BRCA2: variants seen among roughly 807,000 people sequenced by gnomAD.
BRCA2 encodes BRCA2 DNA repair associated.
Under a neutral mutation model 276.7 loss-of-function variants are expected in BRCA2, and 203 were observed. The observed-to-expected ratio is 0.73, with a 90% CI of 0.65 to 0.82. The LOEUF is 0.82. BRCA2 is among the 40% of genes least tolerant of loss of function. The probability of loss-of-function intolerance (pLI) is 0.00; values close to 1 mark genes in which losing one functional copy is unlikely to be tolerated. For missense variants in BRCA2, 3,920 were observed against 3,915.0 expected (o/e 1.00, Z -0.03); for synonymous variants, 1,289 against 1,338.4 (o/e 0.96, Z 0.81).
intron 11 of BRCA2, among the ~76,000 whole-genome samples, chr13:32,343,551 G>C (rs574205095): frequency 1.3e-5 from 2 of 152,084 alleles, no homozygotes; most frequent in African/African-American, 4.8e-5. Flanking sequence ...AAAGTAGTAC[G>C]TTTATAGTAC....
chr13:32,319,046 A>G, intron 2 of BRCA2, 31 bp from the exon 3 acceptor site: 6 of 1,610,194 alleles, frequency 3.7e-6, no homozygotes, highest in Non-Finnish European at 4.2e-6. Context: ...GTCACTGGTT[A>G]AAACTAAGGT....
chr13:32,337,745 T>G lies in BRCA2; in HGVS notation c.3390T>G (p.Phe1130Leu). ...GAAGTCAGTTTGAATTTACTCAGTT[T>G]AGAAAACCAAGCTACATATTGCAGA... ...ESGSQFEFTQFRKPSYILQKS... is the reference protein window; with the variant it reads ...ESGSQFEFTQLRKPSYILQKS... The change falls in exon 11 of 27, where the codon TTT (phenylalanine) becomes TTG (leucine). Residue 1130 changes from phenylalanine to leucine, a missense_variant. This residue lies in a region of BRCA2 where 3,263 missense variants were observed against 3,156.9 expected (regional missense o/e 1.03). Transcript: ENST00000380152. The G allele has an allele frequency of 6.2e-7, 1 of 1,613,864 alleles. No individual in the cohort carries two copies. The highest frequency in any genetic ancestry group is 1.3e-5 in the African/African-American group (1 of 75,028).
At chr13:32,329,704 A>T (rs2072375054) in intron 8 of BRCA2, among the ~76,000 whole-genome samples, 1 of 152,130 alleles carries the variant, frequency 6.6e-6, no homozygotes, top group Admixed American at 6.6e-5. Context: ...TATATACCGT[A>T]GTCCCCTATT....
rs1367973241 is a variant in BRCA2, at chr13:32,370,591, C to A, written c.8487+34C>A. On this transcript the variant is annotated intron_variant, in intron 19 of 26. Transcript: ENST00000380152. The stretch of plus-strand genomic sequence containing the variant: ...TATTCTTGAAACTTACCATATATTT[C>A]TTTCTTTTGATACAATTAATTTGTT... 1.9e-6 allele frequency: 3 copies of A among 1,589,268 alleles called. No homozygotes were observed. The African/African-American group carries it at 4.0e-5, about 21-fold the overall frequency.
rs1555289613 is a variant in BRCA2 at position 32,394,930 on chromosome 13, T to C, written c.9498T>C (p.Val3166=). Residue 3166 remains valine, a synonymous_variant, in exon 25 of 27, where the codon GTT becomes GTC. Transcript: ENST00000380152. ...CATTCAACAAAATGAAAAATACTGT[T>C]GAGGTAAGGTTACTTTTCAGCATCA... is the stretch of plus-strand genomic sequence containing the variant. ...QETFNKMKNT[V]ENIDILCNEA... 2 of 1,614,046 alleles carry C rather than the reference T, an allele frequency of 1.2e-6. No homozygotes were observed. The highest frequency in any genetic ancestry group is 1.7e-6 in the Non-Finnish European group (2 of 1,179,952).
At chr13:32,350,814 A>G (rs1472348155) in intron 13 of BRCA2, among the ~76,000 whole-genome samples, 1 of 152,168 alleles carries the variant, frequency 6.6e-6, no homozygotes, top group African/African-American at 2.4e-5. Context: ...TACTACATAT[A>G]CTTTATACTG....
At chr13:32,322,150 A>AT (rs2072310219) in intron 3 of BRCA2, among the ~76,000 whole-genome samples, 1 of 152,130 alleles carries the variant, frequency 6.6e-6, no homozygotes, top group Non-Finnish European at 1.5e-5. Context: ...CTGCTCACCC[A>AT]TCCCTCCTCC....
At position 32,340,432 on chromosome 13, in the gene BRCA2, CAAGAG is replaced by C. The variant is rs80359558; in HGVS notation, c.6082_6086del (p.Glu2028LysfsTer19). On this transcript the variant is annotated frameshift_variant, in exon 11 of 27. Coordinates refer to ENST00000380152, the MANE Select transcript of BRCA2 (RefSeq NM_000059.4). LOFTEE classifies it high-confidence loss of function. ...AGTAACGAACATTCAGACCAGCTCACAAGAGAAGAAAATACTGCTATACGTACTCC... is the reference window on the plus strand; with the variant it reads ...AGTAACGAACATTCAGACCAGCTCACAAGAAAATACTGCTATACGTACTCC... 6.2e-7 allele frequency: 1 copy of C among 1,613,806 alleles called. No homozygotes were observed. The highest frequency in any genetic ancestry group is 1.1e-5 in the South Asian group (1 of 91,074).
rs1271777808 is a variant in BRCA2 at position 32,338,844 on chromosome 13, G to C, written c.4489G>C (p.Val1497Leu). ...CAAAATACTGAAAGAAAGTGTCCCA[G>C]TTGGTACTGGAAATCAACTAGTGAC... is the stretch of plus-strand genomic sequence containing the variant. ...KHKILKESVP[V>L]GTGNQLVTFQ... The change falls in exon 11 of 27, where the codon GTT becomes CTT. Residue 1497 changes from valine (V) to leucine (L), a missense_variant. This residue lies in a region of BRCA2 where 3,263 missense variants were observed against 3,156.9 expected (regional missense o/e 1.03). Coordinates refer to ENST00000380152, the MANE Select transcript of BRCA2 (RefSeq NM_000059.4). The C allele has an allele frequency of 2.5e-6, 4 of 1,613,872 alleles. No individual in the cohort carries two copies. The South Asian group carries it at 4.4e-5, about 18-fold the overall frequency.
At chr13:32,351,952 C>T (rs753602472) in intron 13 of BRCA2, among the ~76,000 whole-genome samples, 12 of 152,142 alleles carry the variant, frequency 7.9e-5, no homozygotes, top group Non-Finnish European at 1.3e-4. Context: ...CAGGCGCGTG[C>T]CACCATGCCC....
Position 32,356,177 on chromosome 13 carries a change from G to A in BRCA2, c.7436-251G>A, listed in dbSNP as rs564382607. Reference sequence around the variant, plus strand: ...CCTGCCTCAGCCTGCTGAATAGCTGGGATTACAGGCATGTGCCACCACACC... The same window carrying A: ...CCTGCCTCAGCCTGCTGAATAGCTGAGATTACAGGCATGTGCCACCACACC... On this transcript the variant is annotated intron_variant, in intron 14 of 26. Transcript: ENST00000380152. Among the ~76,000 whole-genome samples, 9 of 151,358 alleles carry A rather than the reference G, an allele frequency of 5.9e-5. No homozygotes were observed. In the East Asian group the frequency reaches 1.8e-3, roughly 30 times the overall value.
chr13:32,398,851 T>C lies in BRCA2; in HGVS notation c.*81T>C. 1.3e-6 allele frequency: 2 copies of C among 1,512,362 alleles called. No homozygotes were observed. The highest frequency in any genetic ancestry group is 1.9e-5 in the Admixed American group (1 of 52,728). 93.7% of individuals were successfully genotyped at this position (1,512,362 alleles called of 1,614,324 possible). A position where few individuals can be genotyped will look rare whatever the true frequency, so the allele number is the denominator to read the frequency against. ...CTGGAATATAATTTCAAACCACACATTAGTACTTATGTTGCACAATGAGAA... is the reference window on the plus strand; with the variant it reads ...CTGGAATATAATTTCAAACCACACACTAGTACTTATGTTGCACAATGAGAA... On this transcript the variant is annotated 3_prime_UTR_variant, in exon 27 of 27. Transcript: ENST00000380152.
rs1237865460 is a variant in BRCA2 at position 32,355,256 on chromosome 13, T to C, written c.7403T>C (p.Val2468Ala). The change falls in exon 14 of 27, where the codon GTA becomes GCA. Residue 2468 changes from valine (V) to alanine (A), a missense_variant. Around this residue, in one of 2 missense-constraint regions of BRCA2, gnomAD observed 3,263 missense variants for 3,156.9 expected, o/e 1.03. Coordinates refer to ENST00000380152, the MANE Select transcript of BRCA2 (RefSeq NM_000059.4). ...NKNNSNQAVA[V>A]TFTKCEEEPL... ...AACAACTCCAATCAAGCAGTAGCTG[T>C]AACTTTCACAAAGTGTGAAGAAGAA... 6.2e-7 allele frequency: 1 copy of C among 1,613,606 alleles called. No individual in the cohort carries two copies. The highest frequency in any genetic ancestry group is 1.3e-5 in the African/African-American group (1 of 74,922).
At chr13:32,317,575 T>C (rs543078727) in intron 2 of BRCA2, among the ~76,000 whole-genome samples, 1 of 152,372 alleles carries the variant, frequency 6.6e-6, no homozygotes, top group South Asian at 2.1e-4. Context: ...ATGCAGTGAT[T>C]ATTTGGAAGA....
Position 32,338,234 on chromosome 13 carries a change from A to G in BRCA2, c.3879A>G (p.Ile1293Met). 6.5e-7 allele frequency: 1 copy of G among 1,542,866 alleles called. No homozygotes were observed. The highest frequency in any genetic ancestry group is 2.3e-5 in the East Asian group (1 of 43,922). ...AAAAAAATAATAAATGCCAACTGAT[A>G]TTACAAAATAATATTGAAATGACTA... ...VSEKNNKCQL[I>M]LQNNIEMTTG... The change falls in exon 11 of 27, where the codon ATA (isoleucine) becomes ATG (methionine). Residue 1293 changes from isoleucine (I) to methionine (M), a missense_variant. Ile to Met is a conservative substitution (Grantham distance 10). This residue lies in a region of BRCA2 where 3,263 missense variants were observed against 3,156.9 expected (regional missense o/e 1.03). Coordinates refer to ENST00000380152, the MANE Select transcript of BRCA2 (RefSeq NM_000059.4).
At chr13:32,385,090 G>A (rs988130663) in intron 24 of BRCA2, 2 of 270,118 alleles carry the variant, frequency 7.4e-6, no homozygotes, top group Non-Finnish European at 7.7e-6. Flanking sequence ...GATGGACTGT[G>A]AGGAAGAACG....
intron 3 of BRCA2, among the ~76,000 whole-genome samples, chr13:32,321,424 C>G (rs1210668322): frequency 6.6e-6 from 1 of 152,164 alleles, no homozygotes. Flanking sequence ...GAAAAGTGAG[C>G]AGCCATCTCT....
rs772846629 is a variant in BRCA2, at chr13:32,340,452, A to G, written c.6097A>G (p.Ile2033Val). 3 of 1,613,758 alleles carry G rather than the reference A, an allele frequency of 1.9e-6. No individual in the cohort carries two copies. In the African/African-American group the frequency reaches 4.0e-5, roughly 22 times the overall value. ...GCTCACAAGAGAAGAAAATACTGCT[A>G]TACGTACTCCAGAACATTTAATATC... ...DQLTREENTA[I>V]RTPEHLISQK... The change falls in exon 11 of 27, where the codon ATA (isoleucine) becomes GTA (valine). Residue 2033 changes from isoleucine (I) to valine (V), a missense_variant. By Grantham distance (29) the Ile-to-Val change is conservative (BLOSUM62 3). Coordinates refer to ENST00000380152, the MANE Select transcript of BRCA2 (RefSeq NM_000059.4).
rs41293497 is a variant in BRCA2 at position 32,340,037 on chromosome 13, C to G, written c.5682C>G (p.Tyr1894Ter). The G allele has an allele frequency of 2.9e-5, 46 of 1,613,256 alleles. No homozygotes were observed. Among genetic ancestry groups the G allele is most frequent in the Non-Finnish European group, 3.8e-5 (45 of 1,179,772 alleles). The change falls in exon 11 of 27, where the codon TAC (tyrosine) becomes TAG (stop). Residue 1894 changes from tyrosine to a stop codon, truncating the protein, a stop_gained. Coordinates refer to ENST00000380152, the MANE Select transcript of BRCA2 (RefSeq NM_000059.4). LOFTEE classifies it high-confidence loss of function. ...AAACGAAAATTATGGCAGGTTGTTA[C>G]GAGGCATTGGATGATTCAGAGGATA... ...ICQTKIMAGCYEALDDSEDIL... is the reference protein window; with the variant it reads ...ICQTKIMAGC
Sources: allele counts gnomAD v4.1 joint callset (sites outside exome capture counted in the v4.1 genomes callset), GRCh38; gene constraint gnomAD v4.1.1; regional missense constraint gnomAD v4.1.1; transcripts MANE v1.5; gene names NCBI Gene and HGNC (gene_info 2026-07-23, HGNC 2026-07-21).